RBBP8: variants seen among roughly 807,000 people sequenced by gnomAD.
RBBP8 encodes the protein RB binding protein 8, endonuclease, also known as DNA endonuclease RBBP8.
Under a neutral mutation model 108.3 loss-of-function variants are expected in RBBP8, and 88 were observed. That is an observed-to-expected ratio of 0.81 (90% confidence interval 0.68 to 0.97). The LOEUF (loss-of-function observed/expected upper bound fraction) is 0.97, where lower values mean the gene tolerates loss of function less well. RBBP8 is among the 50% of genes least tolerant of loss of function. The probability of loss-of-function intolerance (pLI) is 0.00; values close to 1 mark genes in which losing one functional copy is unlikely to be tolerated. For missense variants in RBBP8, 1,023 were observed against 1,049.0 expected (o/e 0.98, Z 0.34); for synonymous variants, 332 against 348.2 (o/e 0.95, Z 0.52).
At chr18:22,992,709 T>C (rs752363302) in intron 10 of RBBP8, 39 bp from the exon 11 acceptor site, 6 of 1,518,408 alleles carry the variant, frequency 4.0e-6, no homozygotes, top group Non-Finnish European at 5.5e-6. Flanking sequence ...ACCTTACTAT[T>C]AATTCTGTAT....
intron 5 of RBBP8, 79 bp downstream of exon 5, chr18:22,968,997 T>A: frequency 9.5e-7 from 1 of 1,050,356 alleles, no homozygotes; most frequent in Non-Finnish European, 1.4e-6. Context: ...TGGTTGTAAT[T>A]AAATGGATGG....
chr18:23,017,471 G>C (rs906865487), intron 17 of RBBP8, among the ~76,000 whole-genome samples: 1 of 151,514 alleles, frequency 6.6e-6, no homozygotes, highest in African/African-American at 2.4e-5. Context: ...GGCTAACATG[G>C]TGAAACCCCG....
At chr18:22,977,043 C>T (rs574444210) in intron 6 of RBBP8, among the ~76,000 whole-genome samples, 1 of 152,072 alleles carries the variant, frequency 6.6e-6, no homozygotes, top group Admixed American at 6.5e-5. Context: ...GAGCTTAAGG[C>T]ATGTATGTTT....
intron 6 of RBBP8, among the ~76,000 whole-genome samples, chr18:22,978,153 A>T (rs1914625093): frequency 6.6e-6 from 1 of 152,206 alleles, no homozygotes; most frequent in African/African-American, 2.4e-5. Flanking sequence ...AAAAAGCTGA[A>T]TATTTAAAAC....
intron 16 of RBBP8, among the ~76,000 whole-genome samples, chr18:23,015,940 CAG>C (rs1386668231): frequency 2.6e-5 from 4 of 151,980 alleles, no homozygotes; most frequent in African/African-American, 7.2e-5. Context: ...TTTTTTGAGA[CAG>C]AGTCTCACCC....
chr18:22,985,039 G>T (rs1241233029), intron 8 of RBBP8, 49 bp downstream of exon 8: 2 of 1,605,548 alleles, frequency 1.2e-6, no homozygotes, highest in Non-Finnish European at 1.7e-6. Context: ...TGTGGTTATT[G>T]GTGGGTAACA....
chr18:22,963,883 T>C (rs1913333961), intron 4 of RBBP8, among the ~76,000 whole-genome samples: 1 of 152,144 alleles, frequency 6.6e-6, no homozygotes, highest in Non-Finnish European at 1.5e-5. Flanking sequence ...ACTACCATTT[T>C]GAGACCTTGT....
At chr18:23,000,134 A>G (rs967459853) in intron 14 of RBBP8, among the ~76,000 whole-genome samples, 7 of 152,236 alleles carry the variant, frequency 4.6e-5, no homozygotes, top group African/African-American at 1.7e-4. Flanking sequence ...AATTGTATAT[A>G]TAATAGATGA....
upstream of RBBP8, among the ~76,000 whole-genome samples, chr18:22,928,804 G>A (rs192961799): frequency 8.4e-4 from 127 of 151,966 alleles, no homozygotes; most frequent in Middle Eastern, 0.017. Context: ...CGAGTAGCTG[G>A]GATTACAGGT....
At chr18:22,957,313 C>G (rs560787455) in intron 4 of RBBP8, among the ~76,000 whole-genome samples, 75 of 13,782 alleles carry the variant, frequency 5.4e-3, no homozygotes, top group African/African-American at 0.019. Context: ...TTTTTTTTTG[C>G]CTGTCTTTCT....
chr18:23,010,936 A>G (rs565215166), intron 16 of RBBP8, among the ~76,000 whole-genome samples: 1 of 152,362 alleles, frequency 6.6e-6, no homozygotes, highest in East Asian at 1.9e-4. Context: ...GAAGTGGAGT[A>G]GTTAATATTC....
At position 23,009,292 on chromosome 18, in the gene RBBP8, T is replaced by C. The variant is rs367964339; in HGVS notation, c.2357+2860T>C. Among the ~76,000 whole-genome samples the C allele has an allele frequency of 3.9e-5, 6 of 152,040 alleles. No individual in the cohort carries two copies. The East Asian group carries it at 9.6e-4, about 24-fold the overall frequency. On this transcript the variant is annotated intron_variant, in intron 16 of 18. Transcript: ENST00000327155. ...TTTCAGAATAATACCACCAATAATA[T>C]AATTAATGAAAATTGTTTGAAAACT...
chr18:23,026,307 G>C lies in RBBP8; in HGVS notation c.*67G>C. On this transcript the variant is annotated 3_prime_UTR_variant, in exon 19 of 19. Coordinates refer to ENST00000327155, the MANE Select transcript of RBBP8 (RefSeq NM_002894.3). ...TTCTTAGTTATTTATAGTTAAAGTT[G>C]GTACTAAACATTGATTTTTTTGATC... The C allele has an allele frequency of 7.8e-7, 1 of 1,275,192 alleles. No homozygotes were observed. Among genetic ancestry groups the C allele is most frequent in the African/African-American group, 1.5e-5 (1 of 68,068 alleles). 79.0% of individuals were successfully genotyped at this position (1,275,192 alleles called of 1,614,324 possible).
In RBBP8 at chr18:23,001,730, G is replaced by C. The variant is rs2045952037; in HGVS notation, c.2287+1G>C. 6.2e-7 allele frequency: 1 copy of C among 1,613,956 alleles called. No homozygotes were observed. Among genetic ancestry groups the C allele is most frequent in the South Asian group, 1.1e-5 (1 of 91,092 alleles). On this transcript the variant is annotated splice_donor_variant, in intron 15 of 18. Transcript: ENST00000327155. LOFTEE classifies it high-confidence loss of function. ...TCTACTGCCACAAAGAAACTACACA[G>C]TAAGATTTTTTTCTGTTTAATTATG... is the stretch of plus-strand genomic sequence containing the variant.
At chr18:22,935,899 G>C (rs907746512) in intron 1 of RBBP8, among the ~76,000 whole-genome samples, 1 of 152,082 alleles carries the variant, frequency 6.6e-6, no homozygotes, top group Non-Finnish European at 1.5e-5. Flanking sequence ...TGTATTCATA[G>C]ATCTTTGCTG....
intron 17 of RBBP8, among the ~76,000 whole-genome samples, chr18:23,020,005 G>A (rs1202615795): frequency 1.3e-5 from 2 of 151,364 alleles, no homozygotes; most frequent in South Asian, 2.1e-4. Context: ...CTCGTGATCC[G>A]CCCGCTTCAG....
intron 5 of RBBP8, among the ~76,000 whole-genome samples, chr18:22,972,846 C>T (rs1914216877): frequency 1.3e-5 from 2 of 152,116 alleles, no homozygotes; most frequent in South Asian, 2.1e-4. Flanking sequence ...AGTAAAATTA[C>T]CTTTCAATTA....
At chr18:22,970,939 G>A (rs771924944) in intron 5 of RBBP8, among the ~76,000 whole-genome samples, 3 of 152,030 alleles carry the variant, frequency 2.0e-5, no homozygotes, top group Non-Finnish European at 2.9e-5. Context: ...ATACACACAC[G>A]TAAATTTGCA....
At chr18:22,932,042 T>C (rs142024337), upstream of RBBP8, among the ~76,000 whole-genome samples, 85 of 152,256 alleles carry the variant, frequency 5.6e-4, no homozygotes, top group Middle Eastern at 3.4e-3. Flanking sequence ...ACATGTTTAG[T>C]AAGTAAAATT....
Sources: gnomAD v4.1 joint callset for allele counts (sites outside exome capture counted in the v4.1 genomes callset) on GRCh38, gnomAD v4.1.1 for gene constraint, MANE v1.5 for transcripts, NCBI Gene and HGNC (gene_info 2026-07-23, HGNC 2026-07-21) for gene names.